TRUB1: variants seen among roughly 807,000 people sequenced by gnomAD.
TRUB1 encodes TruB pseudouridine synthase family member 1.
Under a neutral mutation model 33.9 loss-of-function variants are expected in TRUB1, and 23 were observed. That is an observed-to-expected ratio of 0.68 (90% CI 0.49 to 0.96). The LOEUF is 0.96. Ranked by LOEUF, TRUB1 falls within the 40% of genes least tolerant of loss-of-function variation. The pLI, the probability that TRUB1 is intolerant of heterozygous loss-of-function variation, is 0.00. For missense variants in TRUB1, 378 were observed against 422.2 expected, an observed-to-expected ratio of 0.90 and a Z score of 0.92; for synonymous variants, 163 against 165.4, an observed-to-expected ratio of 0.99 and a Z score of 0.11.
At chr10:114,942,178 C>G (rs1277681966) in intron 1 of TRUB1, among the ~76,000 whole-genome samples, 1 of 152,122 alleles carries the variant, frequency 6.6e-6, no homozygotes, top group Non-Finnish European at 1.5e-5. Flanking sequence ...AGAAGTAGCC[C>G]TGCATGAGAT....
chr10:114,968,163 A>G (rs2084318971), intron 4 of TRUB1, among the ~76,000 whole-genome samples: 1 of 152,184 alleles, frequency 6.6e-6, no homozygotes, highest in Non-Finnish European at 1.5e-5. Context: ...TGTATGATTA[A>G]TTACAGAGTG....
intron 3 of TRUB1, among the ~76,000 whole-genome samples, chr10:114,954,567 CA>C (rs1459836130): frequency 4.6e-5 from 7 of 152,156 alleles, no homozygotes; most frequent in African/African-American, 1.7e-4. Flanking sequence ...AGAAAAGAGC[CA>C]CTGCTCTGTG....
chr10:114,966,832 C>G (rs1408603491), intron 4 of TRUB1, among the ~76,000 whole-genome samples: 3 of 151,982 alleles, frequency 2.0e-5, no homozygotes, highest in African/African-American at 7.3e-5. Context: ...CTTATTTGTT[C>G]TAGTTGTGTT....
chr10:114,971,860 A>T (rs1250113103), intron 5 of TRUB1, among the ~76,000 whole-genome samples: 3 of 152,218 alleles, frequency 2.0e-5, no homozygotes, highest in Admixed American at 2.0e-4. Context: ...CTCTAGAAAG[A>T]TGATTAAAGA....
intron 2 of TRUB1, among the ~76,000 whole-genome samples, chr10:114,947,156 G>A (rs892375282): frequency 8.6e-5 from 13 of 151,890 alleles, no homozygotes; most frequent in African/African-American, 3.1e-4. Flanking sequence ...AAGAATGGGG[G>A]CAGCCTCTAA....
intron 7 of TRUB1, among the ~76,000 whole-genome samples, chr10:114,974,724 A>G (rs17092632): frequency 0.021 from 3,240 of 152,244 alleles, 81 homozygotes; most frequent in East Asian, 0.086. Flanking sequence ...GTTATTTTCA[A>G]ATTTTTTTAA....
chr10:114,953,568 CAT>C (rs1289924935), intron 3 of TRUB1, among the ~76,000 whole-genome samples: 1 of 151,780 alleles, frequency 6.6e-6, no homozygotes, highest in African/African-American at 2.4e-5. Context: ...TAGTAAGAAA[CAT>C]ATTTTATGTA....
chr10:114,948,318 G>A (rs1030177094), intron 2 of TRUB1, among the ~76,000 whole-genome samples: 2 of 152,178 alleles, frequency 1.3e-5, no homozygotes, highest in Non-Finnish European at 2.9e-5. Context: ...TCCAGGTTCA[G>A]CTGAAATGCC....
At chr10:114,962,354 G>A (rs2084288086) in intron 4 of TRUB1, among the ~76,000 whole-genome samples, 1 of 152,238 alleles carries the variant, frequency 6.6e-6, no homozygotes, top group Non-Finnish European at 1.5e-5. Context: ...AGAGTGTTAT[G>A]ATAGAGAACA....
intron 4 of TRUB1, among the ~76,000 whole-genome samples, chr10:114,963,549 T>C (rs1042444667): frequency 6.6e-6 from 1 of 152,218 alleles, no homozygotes; most frequent in African/African-American, 2.4e-5. Flanking sequence ...GCTATCACCC[T>C]TAGTCAAGAA....
intron 3 of TRUB1, among the ~76,000 whole-genome samples, chr10:114,951,918 A>G (rs943298713): frequency 1.3e-5 from 2 of 152,212 alleles, no homozygotes; most frequent in Non-Finnish European, 1.5e-5. Flanking sequence ...TGTGATATAA[A>G]TTGTTGATAA....
At position 114,938,521 on chromosome 10, in the gene TRUB1, A is replaced by G. The variant is rs769803693; in HGVS notation, c.268A>G (p.Lys90Glu). 7.6e-5 allele frequency: 118 copies of G among 1,543,608 alleles called. No individual in the cohort carries two copies. The highest frequency in any genetic ancestry group is 8.4e-5 in the Non-Finnish European group (96 of 1,148,386). The change falls in exon 1 of 8, where the codon AAG becomes GAG. Residue 90 changes from lysine to glutamate, a missense_variant. Transcript: ENST00000298746. The stretch of plus-strand genomic sequence containing the variant: ...TTCAGCCGAGCTGCTGAATCGGTTG[A>G]AGGAGAAGCTGCTGGCAGGTACTGC... ...PTSAELLNRLKEKLLAEAGMP... is the reference protein window; with the variant it reads ...PTSAELLNRLEEKLLAEAGMP...
intron 4 of TRUB1, among the ~76,000 whole-genome samples, chr10:114,960,461 A>T (rs1342770485): frequency 6.6e-6 from 1 of 152,084 alleles, no homozygotes; most frequent in Non-Finnish European, 1.5e-5. Flanking sequence ...TTATGTCACC[A>T]ATTTGTGGAC....
chr10:114,947,245 A>T (rs1274066454), intron 2 of TRUB1, among the ~76,000 whole-genome samples: 1 of 152,104 alleles, frequency 6.6e-6, no homozygotes, highest in Admixed American at 6.5e-5. Context: ...TCCAGAGAAG[A>T]ACACGGTCAA....
intron 2 of TRUB1, among the ~76,000 whole-genome samples, chr10:114,945,225 C>A (rs11197002): frequency 0.013 from 1,939 of 152,284 alleles, 46 homozygotes; most frequent in African/African-American, 0.044. Flanking sequence ...AAATCATCTG[C>A]CCTATTGTGG....
At chr10:114,961,028 A>G (rs1469250868) in intron 4 of TRUB1, among the ~76,000 whole-genome samples, 1 of 152,148 alleles carries the variant, frequency 6.6e-6, no homozygotes, top group Non-Finnish European at 1.5e-5. Flanking sequence ...TATAAGGCGC[A>G]CTAGAGTAGA....
chr10:114,970,587 A>G, intron 5 of TRUB1, 147 bp downstream of exon 5: 1 of 658,262 alleles, frequency 1.5e-6, no homozygotes. Flanking sequence ...TGAAGGTGAG[A>G]CAGGATGTGG....
Position 114,938,460 on chromosome 10 carries a change from C to G in TRUB1, c.207C>G (p.Ser69Arg), listed in dbSNP as rs747737474. The G allele has an allele frequency of 1.9e-6, 3 of 1,594,000 alleles. No individual in the cohort carries two copies. Among genetic ancestry groups the G allele is most frequent in the African/African-American group, 2.7e-5 (2 of 74,482 alleles). ...AALATKLLSLSGVFAVHKPKG... is the reference protein window; with the variant it reads ...AALATKLLSLRGVFAVHKPKG... ...TGGCTACCAAGCTGCTGTCCTTGAGCGGCGTGTTCGCCGTGCACAAGCCCA... is the reference window on the plus strand; with the variant it reads ...TGGCTACCAAGCTGCTGTCCTTGAGGGGCGTGTTCGCCGTGCACAAGCCCA... Residue 69 changes from serine to arginine, a missense_variant, in exon 1 of 8, where the codon AGC becomes AGG. Coordinates refer to ENST00000298746, the MANE Select transcript of TRUB1 (RefSeq NM_139169.5).
chr10:114,946,126 T>C (rs944164050), intron 2 of TRUB1, among the ~76,000 whole-genome samples: 1 of 152,198 alleles, frequency 6.6e-6, no homozygotes, highest in African/African-American at 2.4e-5. Context: ...CTAATCATAC[T>C]TCGGTTTGTA....
Sources: allele counts gnomAD v4.1 joint callset (sites outside exome capture counted in the v4.1 genomes callset), GRCh38; gene constraint gnomAD v4.1.1; transcripts MANE v1.5; gene names NCBI Gene and HGNC (gene_info 2026-07-23, HGNC 2026-07-21).